The following SLC34A2 variants were observed in gnomAD, a reference collection of about 807,000 sequenced individuals.
SLC34A2 encodes the protein sodium-dependent phosphate transport protein 2B.
In SLC34A2, 41 loss-of-function variants were observed where a neutral mutation model predicts 50.8. The observed-to-expected ratio is 0.81, with a 90% CI of 0.63 to 1.05. SLC34A2 has a LOEUF of 1.05. SLC34A2 is among the 50% of genes least tolerant of loss of function. The pLI is 0.00. For missense variants in SLC34A2, 879 were observed against 876.7 expected, an observed-to-expected ratio of 1.00 and a Z score of -0.03; for synonymous variants, 401 against 364.2, an observed-to-expected ratio of 1.10 and a Z score of -1.15.
rs1256075129 is a variant in SLC34A2 at position 25,677,546 on chromosome 4, G to A, written c.*797G>A. 1 of 152,208 alleles carries A rather than the reference G, an allele frequency of 6.6e-6. No individual in the cohort carries two copies. Among genetic ancestry groups the A allele is most frequent in the Non-Finnish European group, 1.5e-5 (1 of 68,056 alleles). The allele number at this position is 152,208 out of a possible 1,614,324, so 9.4% of individuals were successfully genotyped here. On this transcript the variant is annotated 3_prime_UTR_variant, in exon 13 of 13. Coordinates refer to ENST00000382051, the MANE Select transcript of SLC34A2 (RefSeq NM_006424.3). ...TGAGTAGCATAGCATTCTGCCAAAAGGGCCCCAGATTCTTAATTTAGCAAA... is the reference window on the plus strand; with the variant it reads ...TGAGTAGCATAGCATTCTGCCAAAAAGGCCCCAGATTCTTAATTTAGCAAA...
chr4:25,660,959 C>G (rs920516218), intron 1 of SLC34A2, among the ~76,000 whole-genome samples: 2 of 152,276 alleles, frequency 1.3e-5, no homozygotes, highest in South Asian at 4.1e-4. Flanking sequence ...TGTCTAATGT[C>G]AAAGAACAAG....
intron 6 of SLC34A2, among the ~76,000 whole-genome samples, chr4:25,668,990 C>T (rs889237202): frequency 3.3e-5 from 5 of 149,308 alleles, no homozygotes; most frequent in Admixed American, 6.7e-5. Context: ...AAGATGGAAT[C>T]GAGGAGGAAT....
rs113447948 is a variant in SLC34A2, at chr4:25,671,489, T to C, written c.928-112T>C. On this transcript the variant is annotated intron_variant, in intron 8 of 12. Coordinates refer to ENST00000382051, the MANE Select transcript of SLC34A2 (RefSeq NM_006424.3). Reference sequence around the variant, plus strand: ...GAAAAGAACTGTTCTGTTGGGGCCATACTGCATGCACCATGGGTGGTGTCT... The same window carrying C: ...GAAAAGAACTGTTCTGTTGGGGCCACACTGCATGCACCATGGGTGGTGTCT... 3,496 of 1,277,300 alleles carry C rather than the reference T, an allele frequency of 2.7e-3. 64 individuals are homozygous for C. In the African/African-American group the frequency reaches 0.036, roughly 13 times the overall value. The allele number at this position is 1,277,300 out of a possible 1,614,324, so 79.1% of individuals were successfully genotyped here. A position where few individuals can be genotyped will look rare whatever the true frequency, so the allele number is the denominator to read the frequency against.
Position 25,676,868 on chromosome 4 carries a change from A to T in SLC34A2, c.*119A>T. 4 of 1,417,956 alleles carry T rather than the reference A, an allele frequency of 2.8e-6. No homozygotes were observed. Among genetic ancestry groups the T allele is most frequent in the Non-Finnish European group, 3.9e-6 (4 of 1,026,166 alleles). The allele number at this position is 1,417,956 out of a possible 1,614,324, so 87.8% of individuals were successfully genotyped here. A position where few individuals can be genotyped will look rare whatever the true frequency, so the allele number is the denominator to read the frequency against. Reference sequence around the variant, plus strand: ...AGATTTGCTCCCCATTAGCGAATGAAATTGATGCAGTCCTACCTAACTCGA... The same window carrying T: ...AGATTTGCTCCCCATTAGCGAATGATATTGATGCAGTCCTACCTAACTCGA... On this transcript the variant is annotated 3_prime_UTR_variant, in exon 13 of 13. Coordinates refer to ENST00000382051, the MANE Select transcript of SLC34A2 (RefSeq NM_006424.3).
intron 12 of SLC34A2, among the ~76,000 whole-genome samples, chr4:25,674,964 G>C (rs1215936180): frequency 6.6e-6 from 1 of 152,218 alleles, no homozygotes; most frequent in East Asian, 1.9e-4. Flanking sequence ...ACAATTAGGA[G>C]AACTCCTTGG....
At position 25,662,485 on chromosome 4, in the gene SLC34A2, T is replaced by C. The variant is rs759782938; in HGVS notation, c.-3-13T>C. 1 of 1,611,770 alleles carries C rather than the reference T, an allele frequency of 6.2e-7. No homozygotes were observed. Among genetic ancestry groups the C allele is most frequent in the Non-Finnish European group, 8.5e-7 (1 of 1,177,988 alleles). On this transcript the variant is annotated splice_polypyrimidine_tract_variant and intron_variant, in intron 1 of 12. Coordinates refer to ENST00000382051, the MANE Select transcript of SLC34A2 (RefSeq NM_006424.3). ...TCCATGACTGCTGCTTTAAGCTGTT[T>C]TCTCATCCACAGACCATGGCTCCCT...
At chr4:25,662,914 C>A in intron 3 of SLC34A2, 72 bp downstream of exon 3, 3 of 1,551,210 alleles carry the variant, frequency 1.9e-6, no homozygotes, top group South Asian at 1.1e-5. Context: ...ATCCTCCTGT[C>A]CCTCCCCCTT....
At chr4:25,663,619 G>T (rs577189814) in intron 3 of SLC34A2, among the ~76,000 whole-genome samples, 10 of 152,126 alleles carry the variant, frequency 6.6e-5, no homozygotes, top group Non-Finnish European at 1.3e-4. Flanking sequence ...AAGGAGATTG[G>T]GGTGTGGGGT....
At chr4:25,665,718 A>G (rs1031203553) in intron 4 of SLC34A2, among the ~76,000 whole-genome samples, 5 of 152,176 alleles carry the variant, frequency 3.3e-5, no homozygotes, top group African/African-American at 9.7e-5. Context: ...AATTGGGTAT[A>G]CACCCCAGAG....
At chr4:25,662,371 T>G in intron 1 of SLC34A2, 127 bp from the exon 2 acceptor site, 1 of 776,084 alleles carries the variant, frequency 1.3e-6, no homozygotes. Context: ...TTCCCTTCCT[T>G]TTACTGCCGC....
chr4:25,657,242 G>A (rs189041758), intron 1 of SLC34A2, among the ~76,000 whole-genome samples: 10 of 152,200 alleles, frequency 6.6e-5, no homozygotes, highest in South Asian at 2.1e-4. Context: ...AAAATAGCCC[G>A]AATTCAATGC....
At chr4:25,664,901 G>A in intron 4 of SLC34A2, 1 of 233,600 alleles carries the variant, frequency 4.3e-6, no homozygotes. Flanking sequence ...TCCGTCTACT[G>A]GGTGCAGGCA....
rs903673840 is a variant in SLC34A2 at position 25,676,731 on chromosome 4, C to G, written c.2055C>G (p.Thr685=). 1.2e-6 allele frequency: 2 copies of G among 1,614,132 alleles called. No homozygotes were observed. Among genetic ancestry groups the G allele is most frequent in the East Asian group, 2.2e-5 (1 of 44,878 alleles). ...QGEVPASDSK[T]ECTAL is the part of the protein sequence containing the mutation. Reference sequence around the variant, plus strand: ...AGGTCCCTGCCTCGGACTCAAAGACCGAATGCACGGCCTTGTAGGGGACGC... The same window carrying G: ...AGGTCCCTGCCTCGGACTCAAAGACGGAATGCACGGCCTTGTAGGGGACGC... The change falls in exon 13 of 13, where the codon ACC becomes ACG. Residue 685 remains threonine (T), a synonymous_variant. Coordinates refer to ENST00000382051, the MANE Select transcript of SLC34A2 (RefSeq NM_006424.3).
At position 25,668,002 on chromosome 4, in the gene SLC34A2, CA is replaced by C. The variant is rs2109054531; in HGVS notation, c.635+15del. The C allele has an allele frequency of 1.3e-6, 2 of 1,540,588 alleles. No individual in the cohort carries two copies. Among genetic ancestry groups the C allele is most frequent in the Non-Finnish European group, 1.8e-6 (2 of 1,113,218 alleles). ...GAGTGAGTTCAGAAGGTAAGAGGCTCAAAACCAGCCTTTGCGACATCAGCTC... is the reference window on the plus strand; with the variant it reads ...GAGTGAGTTCAGAAGGTAAGAGGCTCAAACCAGCCTTTGCGACATCAGCTC... On this transcript the variant is annotated intron_variant, in intron 6 of 12. Coordinates refer to ENST00000382051, the MANE Select transcript of SLC34A2 (RefSeq NM_006424.3).
chr4:25,674,564 A>G lies in SLC34A2; in HGVS notation c.1393A>G (p.Thr465Ala). 5 of 1,614,126 alleles carry G rather than the reference A, an allele frequency of 3.1e-6. No individual in the cohort carries two copies. Among genetic ancestry groups the G allele is most frequent in the Non-Finnish European group, 3.4e-6 (4 of 1,180,004 alleles). The change falls in exon 12 of 13, where the codon ACC (threonine) becomes GCC (alanine). Residue 465 changes from threonine (T) to alanine (A), a missense_variant. Coordinates refer to ENST00000382051, the MANE Select transcript of SLC34A2 (RefSeq NM_006424.3). ...YPLTLGSNIGTTTTAILAALA... is the reference protein window; with the variant it reads ...YPLTLGSNIGATTTAILAALA... ...ACTCACGCTGGGCTCCAACATCGGCACCACCACCACCGCCATCCTGGCCGC... is the reference window on the plus strand; with the variant it reads ...ACTCACGCTGGGCTCCAACATCGGCGCCACCACCACCGCCATCCTGGCCGC...
At position 25,674,389 on chromosome 4, in the gene SLC34A2, C is replaced by T. The variant is rs749870943; in HGVS notation, c.1310C>T (p.Thr437Met). Residue 437 changes from threonine to methionine, a missense_variant, in exon 11 of 13, where the codon ACG becomes ATG. Physicochemically the swap from Thr to Met is moderately conservative, Grantham distance 81. Transcript: ENST00000382051. ...ATCGTACAGAGCAGCTCTGTGTTCA[C>T]GTCGGCCTTGACCCCCCTGATTGGT... ...TFIVQSSSVF[T>M]SALTPLIGIG... 6.2e-6 allele frequency: 10 copies of T among 1,614,192 alleles called. No homozygotes were observed. The highest frequency in any genetic ancestry group is 5.5e-5 in the South Asian group (5 of 91,088).
In SLC34A2 at chr4:25,667,135, A is replaced by G. The variant is rs1024014529; in HGVS notation, c.524-745A>G. ...CTTTCAAAATATTTTACTTGTTTAT[A>G]TCAAAAAAGGTGCAGCAATATGCTG... On this transcript the variant is annotated intron_variant, in intron 5 of 12. Coordinates refer to ENST00000382051, the MANE Select transcript of SLC34A2 (RefSeq NM_006424.3). 3.9e-5 allele frequency: 6 copies of G among 152,414 alleles called. No homozygotes were observed. The East Asian group carries it at 5.8e-4, about 15-fold the overall frequency. 9.4% of individuals were successfully genotyped at this position (152,414 alleles called of 1,614,324 possible). A position where few individuals can be genotyped will look rare whatever the true frequency, so the allele number is the denominator to read the frequency against.
intron 10 of SLC34A2, 68 bp from the exon 11 acceptor site, chr4:25,674,228 C>T: frequency 1.7e-6 from 2 of 1,204,134 alleles, no homozygotes; most frequent in African/African-American, 1.5e-5. Context: ...AAGCCCAGCC[C>T]CTACCCCAGG....
At chr4:25,668,029 T>A in intron 6 of SLC34A2, 38 bp downstream of exon 6, 1 of 1,315,410 alleles carries the variant, frequency 7.6e-7, no homozygotes, top group Non-Finnish European at 1.1e-6. Flanking sequence ...ACATCAGCTC[T>A]ATTGTTCTTG....
Sources: gnomAD v4.1 joint callset for allele counts (sites outside exome capture counted in the v4.1 genomes callset) on GRCh38, gnomAD v4.1.1 for gene constraint, MANE v1.5 for transcripts, NCBI Gene and HGNC (gene_info 2026-07-23, HGNC 2026-07-21) for gene names.